CREB5: variants seen among roughly 807,000 people sequenced by gnomAD.
CREB5 encodes cyclic AMP-responsive element-binding protein 5.
A neutral mutation model predicts 57.1 loss-of-function variants in CREB5; 19 were observed. The ratio of observed to expected loss-of-function variants is 0.33; its 90% CI spans 0.23 to 0.49. The LOEUF (loss-of-function observed/expected upper bound fraction) is 0.49. Ranked by LOEUF, CREB5 falls within the 20% of genes least tolerant of loss-of-function variation. CREB5 has a pLI of 0.99. For missense variants in CREB5, 579 were observed against 671.6 expected, an observed-to-expected ratio of 0.86 and a Z score of 1.52; for synonymous variants, 238 against 238.3, an observed-to-expected ratio of 1.00 and a Z score of 0.01.
At chr7:28,354,797 T>C (rs1484334756) in intron 1 of CREB5, among the ~76,000 whole-genome samples, 1 of 152,190 alleles carries the variant, frequency 6.6e-6, no homozygotes, top group Non-Finnish European at 1.5e-5. Context: ...TGCAGGCTTC[T>C]GGGAGAGAGT....
intron 5 of CREB5, among the ~76,000 whole-genome samples, chr7:28,691,419 CCAAAA>C (rs1028309442): frequency 3.3e-5 from 3 of 91,996 alleles, no homozygotes; most frequent in Non-Finnish European, 6.5e-5. Context: ...GACTCTGTCT[CCAAAA>C]AAAAAAAAAA....
At chr7:28,599,480 G>T (rs945807225) in intron 5 of CREB5, among the ~76,000 whole-genome samples, 2 of 152,158 alleles carry the variant, frequency 1.3e-5, no homozygotes, top group African/African-American at 4.8e-5. Context: ...TGGTCTAATA[G>T]TAAAGTGGGA....
chr7:28,805,781 C>A (rs987194101), intron 8 of CREB5, among the ~76,000 whole-genome samples: 12 of 152,130 alleles, frequency 7.9e-5, no homozygotes, highest in Non-Finnish European at 7.4e-5. Context: ...CCTCTCTACC[C>A]CTCAGTTTTC....
At chr7:28,639,243 C>T (rs1798550734) in intron 5 of CREB5, among the ~76,000 whole-genome samples, 1 of 152,082 alleles carries the variant, frequency 6.6e-6, no homozygotes, top group South Asian at 2.1e-4. Context: ...AGAATAAGTC[C>T]AATATTCTGA....
chr7:28,522,525 A>T (rs1209543044), intron 4 of CREB5, among the ~76,000 whole-genome samples: 1 of 151,074 alleles, frequency 6.6e-6, no homozygotes, highest in Non-Finnish European at 1.5e-5. Context: ...CCTCCCAAGT[A>T]GCTGGGATTA....
At chr7:28,487,372 T>A (rs980717118) in intron 1 of CREB5, among the ~76,000 whole-genome samples, 2 of 152,216 alleles carry the variant, frequency 1.3e-5, no homozygotes, top group Admixed American at 1.3e-4. Context: ...CCACCATGCC[T>A]GTCTGATTAT....
intron 1 of CREB5, among the ~76,000 whole-genome samples, chr7:28,447,164 G>A (rs776685369): frequency 5.3e-5 from 8 of 152,232 alleles, no homozygotes; most frequent in Non-Finnish European, 8.8e-5. Context: ...CACCATGAAT[G>A]TTAGCAATTG....
chr7:28,669,636 T>C (rs1799952937), intron 5 of CREB5, among the ~76,000 whole-genome samples: 2 of 152,196 alleles, frequency 1.3e-5, no homozygotes, highest in African/African-American at 4.8e-5. Flanking sequence ...AAAACACCAC[T>C]GTGGGACTCT....
chr7:28,544,413 C>T (rs1052597720), intron 4 of CREB5, among the ~76,000 whole-genome samples: 2 of 152,118 alleles, frequency 1.3e-5, no homozygotes, highest in African/African-American at 4.8e-5. Context: ...GCCCTGGCAC[C>T]ATCTCTTTTT....
Position 28,820,764 on chromosome 7 carries a change from T to C in CREB5, c.*1485T>C, listed in dbSNP as rs928027166. The C allele has an allele frequency of 3.3e-5, 5 of 152,174 alleles. No individual in the cohort carries two copies. Among genetic ancestry groups the C allele is most frequent in the African/African-American group, 4.8e-5 (2 of 41,406 alleles). The allele number at this position is 152,174 out of a possible 1,614,324, so 9.4% of individuals were successfully genotyped here. A position where few individuals can be genotyped will look rare whatever the true frequency, so the allele number is the denominator to read the frequency against. On this transcript the variant is annotated 3_prime_UTR_variant, in exon 11 of 11. Transcript: ENST00000357727. ...GACCACAGGTTCACATAACCATGCCTGGCTAATTTATTTTTACTTTTATTT... is the reference window on the plus strand; with the variant it reads ...GACCACAGGTTCACATAACCATGCCCGGCTAATTTATTTTTACTTTTATTT...
At chr7:28,479,836 C>T (rs1374423201) in intron 1 of CREB5, among the ~76,000 whole-genome samples, 4 of 152,094 alleles carry the variant, frequency 2.6e-5, no homozygotes, top group East Asian at 1.9e-4. Context: ...CTGGTTTCGC[C>T]GAAAGCAGAG....
intron 5 of CREB5, among the ~76,000 whole-genome samples, chr7:28,652,132 T>A (rs977100553): frequency 6.6e-5 from 10 of 152,022 alleles, no homozygotes; most frequent in African/African-American, 1.4e-4. Context: ...AATAAAAAAA[T>A]TTTATTTTAA....
At chr7:28,612,586 G>GTGTGTA (rs1263507604) in intron 5 of CREB5, among the ~76,000 whole-genome samples, 171 of 141,680 alleles carry the variant, frequency 1.2e-3, no homozygotes, top group Non-Finnish European at 1.6e-3. Context: ...GTGTGTGTGT[G>GTGTGTA]TGTAAGGATA....
At chr7:28,350,675 C>T (rs1046781000) in intron 1 of CREB5, among the ~76,000 whole-genome samples, 4 of 152,006 alleles carry the variant, frequency 2.6e-5, no homozygotes, top group Admixed American at 1.3e-4. Flanking sequence ...TCATAGTGTG[C>T]GTAAGCATGG....
chr7:28,631,667 C>G (rs958886934), intron 5 of CREB5, among the ~76,000 whole-genome samples: 1 of 152,082 alleles, frequency 6.6e-6, no homozygotes, highest in Non-Finnish European at 1.5e-5. Flanking sequence ...CAGGTTCAAG[C>G]GATTCTCCTG....
At chr7:28,732,423 C>G (rs186851528) in intron 7 of CREB5, among the ~76,000 whole-genome samples, 1 of 152,248 alleles carries the variant, frequency 6.6e-6, no homozygotes, top group East Asian at 1.9e-4. Context: ...TGGTTTGGGT[C>G]AGAACACCCC....
intron 7 of CREB5, among the ~76,000 whole-genome samples, chr7:28,730,266 C>T (rs1803541993): frequency 6.6e-6 from 1 of 152,120 alleles, no homozygotes; most frequent in Non-Finnish European, 1.5e-5. Context: ...TCACTGCAGC[C>T]TCAAACTTGC....
chr7:28,328,534 A>G (rs1489714238), intron 1 of CREB5, among the ~76,000 whole-genome samples: 3 of 152,184 alleles, frequency 2.0e-5, no homozygotes, highest in Admixed American at 2.0e-4. Flanking sequence ...TTCCATTAGG[A>G]TGCCCTGTCA....
At chr7:28,458,820 C>T (rs187896335) in intron 1 of CREB5, among the ~76,000 whole-genome samples, 19 of 152,134 alleles carry the variant, frequency 1.2e-4, no homozygotes, top group South Asian at 6.2e-4. Flanking sequence ...ACCTAGGTGG[C>T]GCCTGAGACA....
Sources: gnomAD v4.1 joint callset for allele counts (sites outside exome capture counted in the v4.1 genomes callset) on GRCh38, gnomAD v4.1.1 for gene constraint, MANE v1.5 for transcripts, NCBI Gene and HGNC (gene_info 2026-07-23, HGNC 2026-07-21) for gene names.